STRBP: variants seen among roughly 807,000 people sequenced by gnomAD.
The protein encoded by STRBP is spermatid perinuclear RNA binding protein.
In STRBP, 13 loss-of-function variants were observed where a neutral mutation model predicts 80.1. The observed-to-expected ratio is 0.16, with a 90% confidence interval of 0.11 to 0.26. The LOEUF is 0.26. STRBP is among the 10% of genes least tolerant of loss of function. The probability of loss-of-function intolerance (pLI) is 1.00; values close to 1 mark genes in which losing one functional copy is unlikely to be tolerated. For missense variants in STRBP, 485 were observed against 815.2 expected, an observed-to-expected ratio of 0.59 and a Z score of 4.93; for synonymous variants, 284 against 291.2, an observed-to-expected ratio of 0.98 and a Z score of 0.25.
chr9:123,250,159 C>T (rs757400852), intron 1 of STRBP, among the ~76,000 whole-genome samples: 35 of 152,150 alleles, frequency 2.3e-4, no homozygotes, highest in Non-Finnish European at 4.9e-4. Context: ...TCTGAAAAAG[C>T]TATTAAAATA....
In STRBP at chr9:123,123,714, AC is replaced by A; in HGVS notation, c.*1882del. 17 of 985,414 alleles carry A rather than the reference AC, an allele frequency of 1.7e-5. No individual in the cohort carries two copies. Among genetic ancestry groups the A allele is most frequent in the Non-Finnish European group, 2.0e-5 (17 of 829,940 alleles). 61.0% of individuals were successfully genotyped at this position (985,414 alleles called of 1,614,324 possible). ...TCCAACGTGGAATCCAAATTTGATG[AC>A]CAATTTCAAATAACAATACAGCCGC... On this transcript the variant is annotated 3_prime_UTR_variant, in exon 19 of 19. Transcript: ENST00000348403.
In STRBP at chr9:123,143,475, TTGAG is replaced by T. The variant is rs894597200; in HGVS notation, c.1338+3376_1338+3379del. ...TAGGTACAAAACCCTCACCAAGCGATTGAGTAAGAACTAAAAGGATTTTTATTCA... is the reference window on the plus strand; with the variant it reads ...TAGGTACAAAACCCTCACCAAGCGATTAAGAACTAAAAGGATTTTTATTCA... On this transcript the variant is annotated intron_variant, in intron 13 of 18. Coordinates refer to ENST00000348403, the MANE Select transcript of STRBP (RefSeq NM_018387.5). Among the ~76,000 whole-genome samples, 7 of 152,386 alleles carry T rather than the reference TTGAG, an allele frequency of 4.6e-5. No individual in the cohort carries two copies. The East Asian group carries it at 5.8e-4, about 13-fold the overall frequency.
At chr9:123,172,047 C>T (rs2038034208) in intron 5 of STRBP, among the ~76,000 whole-genome samples, 2 of 152,208 alleles carry the variant, frequency 1.3e-5, no homozygotes, top group African/African-American at 4.8e-5. Flanking sequence ...TAAAGCTTGG[C>T]CCAATCTTCT....
chr9:123,228,660 G>A (rs968781119), intron 2 of STRBP, among the ~76,000 whole-genome samples: 9 of 152,212 alleles, frequency 5.9e-5, no homozygotes, highest in Non-Finnish European at 1.2e-4. Flanking sequence ...CAGCTAAGAA[G>A]TTTGGGAAAT....
intron 1 of STRBP, among the ~76,000 whole-genome samples, chr9:123,242,991 G>C (rs2040725914): frequency 1.3e-5 from 2 of 151,994 alleles, no homozygotes; most frequent in South Asian, 4.2e-4. Flanking sequence ...TACATGGAAA[G>C]ACACAAGACC....
intron 14 of STRBP, among the ~76,000 whole-genome samples, chr9:123,138,170 C>T (rs2132326628): frequency 6.6e-6 from 1 of 152,312 alleles, no homozygotes; most frequent in African/African-American, 2.4e-5. Flanking sequence ...CTTTTTATGT[C>T]AGTGTAGCTG....
chr9:123,111,668 G>T, intron 3 of STRBP: 1 of 467,730 alleles, frequency 2.1e-6, no homozygotes. Context: ...GGCCACACCT[G>T]GCACTGCAGC....
chr9:123,263,193 G>A (rs893602765), intron 1 of STRBP, among the ~76,000 whole-genome samples: 29 of 152,172 alleles, frequency 1.9e-4, no homozygotes, highest in African/African-American at 7.0e-4. Context: ...TAAACTATTA[G>A]AGTAGATCAC....
At chr9:123,119,124 A>G (rs1042903506), downstream of STRBP, among the ~76,000 whole-genome samples, 2 of 152,200 alleles carry the variant, frequency 1.3e-5, no homozygotes, top group Non-Finnish European at 2.9e-5. Flanking sequence ...GAGACAAGCT[A>G]TAGGAGTGCT....
At chr9:123,134,719 A>G (rs2036284477) in intron 16 of STRBP, among the ~76,000 whole-genome samples, 1 of 152,222 alleles carries the variant, frequency 6.6e-6, no homozygotes, top group African/African-American at 2.4e-5. Context: ...GAACAAACTT[A>G]ACTACCTAAT....
intron 3 of STRBP, chr9:123,114,057 T>C (rs1252429309): frequency 6.0e-6 from 1 of 167,116 alleles, no homozygotes; most frequent in African/African-American, 2.4e-5. Flanking sequence ...GAGATTTGTG[T>C]AGCCTGTTGA....
rs757107402 is a variant in STRBP at position 123,160,939 on chromosome 9, A to G, written c.627+38T>C. The G allele has an allele frequency of 3.9e-6, 6 of 1,538,082 alleles. No individual in the cohort carries two copies. The African/African-American group carries it at 7.1e-5, about 18-fold the overall frequency. On this transcript the variant is annotated intron_variant, in intron 7 of 18. Transcript: ENST00000348403. ...CAGGTGTTCCAAATGAAACTTGGAC[A>G]AACTTTAATAACAATAAGATAGTAA...
chr9:123,250,416 G>T (rs1229873522), intron 1 of STRBP, among the ~76,000 whole-genome samples: 1 of 151,998 alleles, frequency 6.6e-6, no homozygotes, highest in Non-Finnish European at 1.5e-5. Context: ...ATTTTTATCA[G>T]ATATAATTTC....
chr9:123,194,267 T>C (rs893895493), intron 2 of STRBP, among the ~76,000 whole-genome samples: 4 of 152,190 alleles, frequency 2.6e-5, no homozygotes, highest in Admixed American at 1.3e-4. Flanking sequence ...TCATTAACCA[T>C]ATATTCTTCC....
chr9:123,131,214 C>A (rs944325825), intron 17 of STRBP, among the ~76,000 whole-genome samples: 4 of 152,170 alleles, frequency 2.6e-5, no homozygotes, highest in Non-Finnish European at 5.9e-5. Context: ...ACCTCCTGTT[C>A]TTCACACTAT....
In STRBP at chr9:123,147,676, T is replaced by G. The variant is rs867384878; in HGVS notation, c.1138+102A>C. ...CTCAGTGACAGAATGAGAACCGATC[T>G]CAAAAAAAAAAAAAAAAAAAAAACC... On this transcript the variant is annotated intron_variant, in intron 12 of 18. Transcript: ENST00000348403. 63 of 662,240 alleles carry G rather than the reference T, an allele frequency of 9.5e-5. 1 individual carries two copies. The Middle Eastern group carries it at 3.0e-3, about 32-fold the overall frequency. The allele number at this position is 662,240 out of a possible 1,614,324, so 41.0% of individuals were successfully genotyped here.
intron 6 of STRBP, among the ~76,000 whole-genome samples, chr9:123,163,308 A>G (rs1342429049): frequency 6.6e-6 from 1 of 152,260 alleles, no homozygotes; most frequent in Non-Finnish European, 1.5e-5. Flanking sequence ...AATGGCAAAA[A>G]TATTTTGATA....
In STRBP at chr9:123,115,876, C is replaced by CT; in HGVS notation, c.*84+52dup. 1 of 373,512 alleles carries CT rather than the reference C, an allele frequency of 2.7e-6. No individual in the cohort carries two copies. The highest frequency in any genetic ancestry group is 5.3e-6 in the Non-Finnish European group (1 of 189,316). The allele number at this position is 373,512 out of a possible 1,614,324, so 23.1% of individuals were successfully genotyped here. On this transcript the variant is annotated intron_variant and NMD_transcript_variant, in intron 3 of 3. Transcript: ENST00000471564. The surrounding 1 kb of genome is among the most constrained non-coding windows in gnomAD (Gnocchi z 5.0). Reference sequence around the variant, plus strand: ...TGCCCCACTGGCTTCCCATAATTGTCTTTCACCCTTTGGAACCACATACAA... The same window carrying CT: ...TGCCCCACTGGCTTCCCATAATTGTCTTTTCACCCTTTGGAACCACATACAA...
chr9:123,249,645 T>C (rs911351344), intron 1 of STRBP, among the ~76,000 whole-genome samples: 1 of 152,104 alleles, frequency 6.6e-6, no homozygotes, highest in Non-Finnish European at 1.5e-5. Context: ...TGTCTCAAAA[T>C]AAAAATTATT....
Sources: allele counts gnomAD v4.1 joint callset (sites outside exome capture counted in the v4.1 genomes callset), GRCh38; gene constraint gnomAD v4.1.1; non-coding constraint Gnocchi (gnomAD v3.1); transcripts MANE v1.5; gene names NCBI Gene and HGNC (gene_info 2026-07-23, HGNC 2026-07-21).